The following POTEE variants were observed in gnomAD, a reference collection of about 807,000 sequenced individuals.
POTEE encodes the protein ANKRD26-like family C member 1A.
A neutral mutation model predicts 74.2 loss-of-function variants in POTEE; 21 were observed. The observed-to-expected ratio is 0.28, with a 90% CI of 0.20 to 0.41. POTEE has a LOEUF of 0.41. POTEE is among the 10% of genes least tolerant of loss of function. The pLI is 1.00. For missense variants in POTEE, 525 were observed against 1,158.6 expected, an observed-to-expected ratio of 0.45 and a Z score of 7.94; for synonymous variants, 211 against 432.8, an observed-to-expected ratio of 0.49 and a Z score of 6.36.
intron 16 of POTEE, among the ~76,000 whole-genome samples, chr2:131,256,920 G>C (rs1179676466): frequency 2.6e-5 from 4 of 152,430 alleles, no homozygotes; most frequent in African/African-American, 9.6e-5. Context: ...TAACGTAATT[G>C]AGGGAAGGTT....
At chr2:131,231,759 C>T (rs1162554706) in intron 9 of POTEE, among the ~76,000 whole-genome samples, 1 of 152,084 alleles carries the variant, frequency 6.6e-6, no homozygotes, top group Non-Finnish European at 1.5e-5. Context: ...CAACTCTAGG[C>T]TCAGCAGATT....
rs1285598022 is a variant in POTEE at position 131,247,274 on chromosome 2, GT to G, written c.1480+1804del. ...GCCTAAAACACTAGGAACCAGAGTT[GT>G]TTTTTTGTTCATTGATATCCTAGGG... On this transcript the variant is annotated intron_variant, in intron 13 of 17. Transcript: ENST00000683005. 7.4e-3 allele frequency among the ~76,000 whole-genome samples: 59 copies of G among 7,926 alleles called. 7 individuals are homozygous for G. Among genetic ancestry groups the G allele is most frequent in the African/African-American group, 0.017 (57 of 3,410 alleles). 5.2% of individuals were successfully genotyped at this position (7,926 alleles called of 152,430 possible).
Position 131,263,539 on chromosome 2 carries a change from A to C in POTEE, c.2084A>C (p.Gln695Pro), listed in dbSNP as rs1701788866. 1.2e-6 allele frequency: 2 copies of C among 1,605,058 alleles called. No individual in the cohort carries two copies. Among genetic ancestry groups the C allele is most frequent in the Non-Finnish European group, 1.7e-6 (2 of 1,176,290 alleles). ...AATGATAATCTTTTAAAGGCTCTAC[A>C]ATTGAATGAGCTCACCATGGATGAT... ...KKNDNLLKAL[Q>P]LNELTMDDDT... The change falls in exon 18 of 18, where the codon CAA becomes CCA. Residue 695 changes from glutamine to proline, a missense_variant. Gln to Pro is a moderately conservative substitution (Grantham distance 76). Coordinates refer to ENST00000683005, the MANE Select transcript of POTEE (RefSeq NM_001083538.3).
intron 4 of POTEE, among the ~76,000 whole-genome samples, chr2:131,219,603 C>T (rs10174575): frequency 1.3e-5 from 2 of 151,634 alleles, no homozygotes; most frequent in African/African-American, 4.8e-5. Flanking sequence ...TGGGTGCGGT[C>T]GTAGACGCCT....
chr2:131,236,202 G>T (rs530138034), intron 9 of POTEE, among the ~76,000 whole-genome samples: 6,113 of 150,246 alleles, frequency 0.041, 431 homozygotes, highest in African/African-American at 0.14. Flanking sequence ...AAAACAGCTC[G>T]GAGTGAATGC....
At position 131,263,742 on chromosome 2, in the gene POTEE, G is replaced by C; in HGVS notation, c.2287G>C (p.Gly763Arg). The C allele has an allele frequency of 6.2e-7, 1 of 1,611,800 alleles. No homozygotes were observed. Reference sequence around the variant, plus strand: ...GGGCAAGGAGGCCCAGAGCAAGAGAGGCATCCTGACCCTGAAGTACCCCAT... The same window carrying C: ...GGGCAAGGAGGCCCAGAGCAAGAGACGCATCCTGACCCTGAAGTACCCCAT... ...YVGKEAQSKRGILTLKYPMEH... is the reference protein window; with the variant it reads ...YVGKEAQSKRRILTLKYPMEH... The change falls in exon 18 of 18, where the codon GGC (glycine) becomes CGC (arginine). Residue 763 changes from glycine to arginine, a missense_variant. Physicochemically the swap from Gly to Arg is moderately radical, Grantham distance 125 (BLOSUM62 -2). Coordinates refer to ENST00000683005, the MANE Select transcript of POTEE (RefSeq NM_001083538.3).
intron 2 of POTEE, among the ~76,000 whole-genome samples, chr2:131,212,277 A>T (rs2105057373): frequency 6.6e-6 from 1 of 152,044 alleles, no homozygotes; most frequent in Non-Finnish European, 1.5e-5. Flanking sequence ...GGTAAGCATG[A>T]GGGAGTTAAT....
chr2:131,218,214 G>C (rs1411305480), intron 3 of POTEE, 96 bp from the exon 4 acceptor site: 8 of 937,964 alleles, frequency 8.5e-6, no homozygotes, highest in Non-Finnish European at 1.3e-5. Context: ...CTTTCCTCGG[G>C]TGGGTGTGGG....
chr2:131,243,484 G>A (rs1481714462), intron 12 of POTEE, among the ~76,000 whole-genome samples: 2 of 150,998 alleles, frequency 1.3e-5, no homozygotes, highest in Non-Finnish European at 3.0e-5. Context: ...TCACTGCTTA[G>A]AAAAAGGCTT....
chr2:131,236,927 AT>A, intron 10 of POTEE, 125 bp downstream of exon 10: 1 of 266,662 alleles, frequency 3.8e-6, no homozygotes, highest in Non-Finnish European at 6.7e-6. Flanking sequence ...TTTTTAAAGA[AT>A]TTTTTAATAG....
At chr2:131,215,523 T>C (rs996310202) in intron 2 of POTEE, among the ~76,000 whole-genome samples, 4 of 151,438 alleles carry the variant, frequency 2.6e-5, no homozygotes, top group African/African-American at 7.3e-5. Context: ...AGCATATCTG[T>C]TAATATCACC....
At chr2:131,243,862 C>T (rs1701306543) in intron 12 of POTEE, among the ~76,000 whole-genome samples, 1 of 87,562 alleles carries the variant, frequency 1.1e-5, no homozygotes, top group Non-Finnish European at 2.2e-5. Flanking sequence ...AGCAAGACTC[C>T]GTCTCAAAAA....
intron 12 of POTEE, among the ~76,000 whole-genome samples, chr2:131,243,553 C>T (rs1330221309): frequency 6.6e-6 from 1 of 152,122 alleles, no homozygotes; most frequent in Non-Finnish European, 1.5e-5. Flanking sequence ...GGAGTTTATC[C>T]TGTGTATATT....
intron 4 of POTEE, among the ~76,000 whole-genome samples, chr2:131,221,894 T>G (rs1171082214): frequency 6.6e-6 from 1 of 152,266 alleles, no homozygotes; most frequent in Non-Finnish European, 1.5e-5. Flanking sequence ...TCATCCATTC[T>G]TTCAATCCAT....
intron 9 of POTEE, among the ~76,000 whole-genome samples, chr2:131,231,761 C>G (rs1700968390): frequency 6.6e-6 from 1 of 152,054 alleles, no homozygotes; most frequent in Admixed American, 6.6e-5. Flanking sequence ...ACTCTAGGCT[C>G]AGCAGATTAT....
At chr2:131,210,688 G>A (rs1387473924) in intron 1 of POTEE, among the ~76,000 whole-genome samples, 7 of 150,056 alleles carry the variant, frequency 4.7e-5, no homozygotes, top group East Asian at 2.0e-4. Context: ...TGGGCATCGC[G>A]GGGGACTGTG....
At chr2:131,235,858 AT>A (rs1701117089) in intron 9 of POTEE, among the ~76,000 whole-genome samples, 1 of 152,010 alleles carries the variant, frequency 6.6e-6, no homozygotes, top group Non-Finnish European at 1.5e-5. Context: ...GGAGGGAAAC[AT>A]TTTAGATATT....
Position 131,218,518 on chromosome 2 carries a change from G to C in POTEE, c.116G>C (p.Gly39Ala). ...TGCTTCCCCTGCTACAGGGAGAGCG[G>C]CAAGAGCAACGTGGGCACTTCTGGA... ...CRCFPCYRESGKSNVGTSGDH... is the reference protein window; with the variant it reads ...CRCFPCYRESAKSNVGTSGDH... Residue 39 changes from glycine to alanine, a missense_variant, in exon 4 of 18, where the codon GGC becomes GCC. Transcript: ENST00000683005. The C allele has an allele frequency of 6.2e-7, 1 of 1,613,184 alleles. No homozygotes were observed. The highest frequency in any genetic ancestry group is 8.5e-7 in the Non-Finnish European group (1 of 1,179,846).
rs202203055 is a variant in POTEE at position 131,263,922 on chromosome 2, A to G, written c.2467A>G (p.Met823Val). The G allele has an allele frequency of 5.0e-6, 8 of 1,614,164 alleles. No individual in the cohort carries two copies. Among genetic ancestry groups the G allele is most frequent in the Admixed American group, 3.3e-5 (2 of 60,028 alleles). The change falls in exon 18 of 18, where the codon ATG becomes GTG. Residue 823 changes from methionine to valine, a missense_variant. Physicochemically the swap from Met to Val is conservative, Grantham distance 21. Transcript: ENST00000683005. ...CAACCGCGAGAAGATGACCCAGATCATGTTTGAGACCTTCAACACCCCAGC... is the reference window on the plus strand; with the variant it reads ...CAACCGCGAGAAGATGACCCAGATCGTGTTTGAGACCTTCAACACCCCAGC... ...KANREKMTQIMFETFNTPAMY... is the reference protein window; with the variant it reads ...KANREKMTQIVFETFNTPAMY...
Sources: allele counts gnomAD v4.1 joint callset (sites outside exome capture counted in the v4.1 genomes callset), GRCh38; gene constraint gnomAD v4.1.1; transcripts MANE v1.5; gene names NCBI Gene and HGNC (gene_info 2026-07-23, HGNC 2026-07-21).